The following VPS13C variants were observed in gnomAD, a reference collection of about 807,000 sequenced individuals.
VPS13C encodes the protein vacuolar protein sorting 13 homolog C.
Under a neutral mutation model 456.8 loss-of-function variants are expected in VPS13C, and 358 were observed. The ratio of observed to expected loss-of-function variants is 0.78; its 90% CI spans 0.72 to 0.86. VPS13C has a LOEUF of 0.86. VPS13C is among the 40% of genes least tolerant of loss of function. VPS13C has a pLI of 0.00. For missense variants in VPS13C, 4,818 were observed against 4,385.4 expected (o/e 1.10, Z -2.79); for synonymous variants, 1,578 against 1,486.7 (o/e 1.06, Z -1.41).
rs1289777631 is a variant in VPS13C at position 61,950,952 on chromosome 15, A to G, written c.4529T>C (p.Leu1510Pro). ...VTDEPLLKML[L>P]TKADSDGPEF... Reference sequence around the variant, plus strand: ...AGAAATGAAACTAGTTACCTTTGTCAGTAACATTTTCAGAAGGGGTTCGTC... The same window carrying G: ...AGAAATGAAACTAGTTACCTTTGTCGGTAACATTTTCAGAAGGGGTTCGTC... The change falls in exon 40 of 85, where the codon CTG becomes CCG. Residue 1510 changes from leucine to proline, a missense_variant. Physicochemically the swap from Leu to Pro is moderately conservative, Grantham distance 98. Transcript: ENST00000644861. The G allele has an allele frequency of 1.3e-6, 2 of 1,595,736 alleles. No homozygotes were observed. The highest frequency in any genetic ancestry group is 8.5e-7 in the Non-Finnish European group (1 of 1,170,054).
intron 15 of VPS13C, among the ~76,000 whole-genome samples, chr15:62,003,460 T>A (rs1183306754): frequency 6.6e-6 from 1 of 152,158 alleles, no homozygotes; most frequent in Non-Finnish European, 1.5e-5. Flanking sequence ...TCATGTCGTC[T>A]GCAAACAGGG....
chr15:62,052,693 A>AAAAAAAAC (rs2048664714), intron 1 of VPS13C, among the ~76,000 whole-genome samples: 1 of 151,290 alleles, frequency 6.6e-6, no homozygotes, highest in Non-Finnish European at 1.5e-5. Context: ...AAAAAAAAAA[A>AAAAAAAAC]AGAATACCAA....
At chr15:61,914,887 A>T (rs1462565671) in intron 61 of VPS13C, among the ~76,000 whole-genome samples, 4 of 46,954 alleles carry the variant, frequency 8.5e-5, no homozygotes, top group African/African-American at 3.4e-4. Flanking sequence ...TTAAAAAAAA[A>T]AAAAAAAAAA....
In VPS13C at chr15:61,922,381, A is replaced by G; in HGVS notation, c.6975+16T>C. 1 of 1,597,186 alleles carries G rather than the reference A, an allele frequency of 6.3e-7. No homozygotes were observed. The highest frequency in any genetic ancestry group is 8.5e-7 in the Non-Finnish European group (1 of 1,173,386). ...TTTCAAGAAGTCTCTGAAGGTATTA[A>G]GTGATGTGGCCATACCTGTAGTGTC... On this transcript the variant is annotated intron_variant, in intron 54 of 84. Coordinates refer to ENST00000644861, the MANE Select transcript of VPS13C (RefSeq NM_020821.3).
chr15:62,052,224 T>A (rs2048644722), intron 1 of VPS13C, among the ~76,000 whole-genome samples: 1 of 152,244 alleles, frequency 6.6e-6, no homozygotes, highest in Non-Finnish European at 1.5e-5. Flanking sequence ...TTTTTTAAGA[T>A]TTTGTTTATG....
chr15:61,882,829 T>C (rs1336448456), intron 68 of VPS13C, 93 bp from the exon 69 acceptor site: 8 of 1,314,296 alleles, frequency 6.1e-6, no homozygotes, highest in Non-Finnish European at 7.0e-6. Flanking sequence ...ATTGAAAAAA[T>C]CTTTATCTTT....
intron 67 of VPS13C, among the ~76,000 whole-genome samples, chr15:61,886,894 A>ACAACTTAAAGGAGAACTTCCT (rs1896311640): frequency 6.6e-6 from 1 of 152,200 alleles, no homozygotes; most frequent in Admixed American, 6.5e-5. Flanking sequence ...AAACTCTGAG[A>ACAACTTAAAGGAGAACTTCCT]CAACTTAAAG....
At chr15:61,864,992 G>C (rs1172575798) in intron 81 of VPS13C, 2 of 984,212 alleles carry the variant, frequency 2.0e-6, no homozygotes, top group Non-Finnish European at 2.4e-6. Context: ...TCAAGCCATT[G>C]ACAGTTTTTA....
chr15:62,007,231 G>T (rs1175858029), intron 15 of VPS13C, 77 bp downstream of exon 15: 3 of 1,094,808 alleles, frequency 2.7e-6, no homozygotes, highest in Non-Finnish European at 3.6e-6. Context: ...ATTATTTTTT[G>T]ATTCAAATTA....
intron 9 of VPS13C, among the ~76,000 whole-genome samples, chr15:62,014,845 G>A (rs182971854): frequency 6.6e-5 from 10 of 152,198 alleles, no homozygotes; most frequent in Admixed American, 5.9e-4. Context: ...AAGCATAAAA[G>A]AGGGAATGGT....
chr15:62,043,081 C>T (rs750055255), intron 2 of VPS13C, among the ~76,000 whole-genome samples: 7 of 151,612 alleles, frequency 4.6e-5, no homozygotes, highest in Non-Finnish European at 1.0e-4. Context: ...GAGAAAAAAA[C>T]CTCTTTTCCA....
At chr15:62,001,315 C>T (rs532707323) in intron 15 of VPS13C, among the ~76,000 whole-genome samples, 28 of 152,164 alleles carry the variant, frequency 1.8e-4, no homozygotes, top group Admixed American at 8.5e-4. Context: ...ATCCATCTGA[C>T]GCCAATAACT....
chr15:61,938,681 G>A (rs928212484), intron 47 of VPS13C, among the ~76,000 whole-genome samples: 1 of 152,130 alleles, frequency 6.6e-6, no homozygotes, highest in African/African-American at 2.4e-5. Context: ...AAAGGAAAAG[G>A]ACAGAGAATA....
At chr15:61,952,567 T>C (rs542972666) in intron 38 of VPS13C, among the ~76,000 whole-genome samples, 3 of 152,280 alleles carry the variant, frequency 2.0e-5, no homozygotes, top group Non-Finnish European at 4.4e-5. Flanking sequence ...GAATGATTCA[T>C]CTATCAATGT....
intron 40 of VPS13C, 67 bp downstream of exon 40, chr15:61,950,878 T>C: frequency 1.0e-6 from 1 of 995,678 alleles, no homozygotes; most frequent in Non-Finnish European, 1.4e-6. Flanking sequence ...ATGAGAATAT[T>C]AAATATAAGG....
In VPS13C at chr15:61,867,951, T is replaced by C. The variant is rs1373227132; in HGVS notation, c.10863+708A>G. On this transcript the variant is annotated intron_variant, in intron 81 of 84. Transcript: ENST00000644861. This position sits in a 1 kb window ranked among gnomAD's most constrained non-coding sequence, Gnocchi z 5.0. Reference sequence around the variant, plus strand: ...ATTCCTGTATTTCCAGTTCTTGCTGTGCAGGCAGAAAAACAAAGAAAATAA... The same window carrying C: ...ATTCCTGTATTTCCAGTTCTTGCTGCGCAGGCAGAAAAACAAAGAAAATAA... 3 of 1,576,090 alleles carry C rather than the reference T, an allele frequency of 1.9e-6. No homozygotes were observed. The South Asian group carries it at 3.4e-5, about 18-fold the overall frequency.
chr15:61,964,045 T>C (rs376668260), intron 31 of VPS13C, 94 bp from the exon 32 acceptor site: 28 of 683,160 alleles, frequency 4.1e-5, no homozygotes, highest in African/African-American at 3.9e-4. Context: ...ACCACTGTTA[T>C]GTTAAAAAAA....
chr15:61,997,908 T>C (rs551132182), intron 16 of VPS13C, among the ~76,000 whole-genome samples: 1 of 152,322 alleles, frequency 6.6e-6, no homozygotes, highest in East Asian at 1.9e-4. Flanking sequence ...TGCCAGATCA[T>C]ATCACCCTGT....
chr15:62,013,918 A>G lies in VPS13C; in HGVS notation c.744+15T>C. ...ACCTAGGAAACTAACAAAAATTTTT[A>G]TTCCAACATAATACCTTGTATATAA... On this transcript the variant is annotated intron_variant, in intron 10 of 84. Coordinates refer to ENST00000644861, the MANE Select transcript of VPS13C (RefSeq NM_020821.3). 6.3e-7 allele frequency: 1 copy of G among 1,585,630 alleles called. No individual in the cohort carries two copies. The highest frequency in any genetic ancestry group is 8.6e-7 in the Non-Finnish European group (1 of 1,163,510).
Sources: gnomAD v4.1 joint callset for allele counts (sites outside exome capture counted in the v4.1 genomes callset) on GRCh38, gnomAD v4.1.1 for gene constraint, Gnocchi (gnomAD v3.1) non-coding constraint, MANE v1.5 for transcripts, NCBI Gene and HGNC (gene_info 2026-07-23, HGNC 2026-07-21) for gene names.